Variants in LRRTM4 observed in about 807,000 individuals in gnomAD.
The protein encoded by LRRTM4 is leucine-rich repeat transmembrane neuronal protein 4.
A neutral mutation model predicts 47.6 loss-of-function variants in LRRTM4; 25 were observed. That is an observed-to-expected ratio of 0.53 (90% CI 0.38 to 0.73). LRRTM4 has a LOEUF of 0.73. LRRTM4 is among the 30% of genes least tolerant of loss of function. The pLI is 0.00. For missense variants in LRRTM4, 638 were observed against 713.4 expected (o/e 0.89, Z 1.20); for synonymous variants, 311 against 269.5 (o/e 1.15, Z -1.51).
chr2:76,787,764 G>C (rs1209402855), intron 3 of LRRTM4, among the ~76,000 whole-genome samples: 3 of 152,108 alleles, frequency 2.0e-5, no homozygotes, highest in African/African-American at 7.2e-5. Context: ...AAACAATATA[G>C]ATATTCTGAC....
intron 3 of LRRTM4, among the ~76,000 whole-genome samples, chr2:77,424,211 T>C (rs558352928): frequency 1.8e-4 from 27 of 152,318 alleles, no homozygotes; most frequent in African/African-American, 6.3e-4. Context: ...GGAATTCTCC[T>C]GGGCATATAG....
chr2:77,362,154 A>AAGGAAGGAAGGAAGGAAGG, intron 3 of LRRTM4, among the ~76,000 whole-genome samples: 1 of 139,936 alleles, frequency 7.1e-6, no homozygotes, highest in African/African-American at 3.3e-5. Context: ...AGAAAGAAAG[A>AAGGAAGGAAGGAAGGAAGG]AAGAAAGAAA....
chr2:76,813,791 T>G (rs1670817665), intron 3 of LRRTM4, among the ~76,000 whole-genome samples: 1 of 152,294 alleles, frequency 6.6e-6, no homozygotes, highest in African/African-American at 2.4e-5. Flanking sequence ...CACACAAAGA[T>G]TGTGAAGATA....
intron 3 of LRRTM4, among the ~76,000 whole-genome samples, chr2:77,075,561 A>C (rs1002065252): frequency 4.6e-5 from 7 of 152,112 alleles, no homozygotes; most frequent in African/African-American, 1.4e-4. Flanking sequence ...TCTCTCATAC[A>C]CTCAAATTGT....
At chr2:76,752,047 A>G (rs1176960951) in intron 3 of LRRTM4, among the ~76,000 whole-genome samples, 2 of 152,200 alleles carry the variant, frequency 1.3e-5, no homozygotes, top group Non-Finnish European at 2.9e-5. Flanking sequence ...ATCAACATGA[A>G]CATTAAACAT....
intron 3 of LRRTM4, among the ~76,000 whole-genome samples, chr2:76,941,723 T>C (rs1398167919): frequency 2.0e-5 from 3 of 152,198 alleles, no homozygotes; most frequent in African/African-American, 7.2e-5. Context: ...TGATGGACAT[T>C]TGGGTTGGTT....
intron 3 of LRRTM4, among the ~76,000 whole-genome samples, chr2:77,052,005 ATTTAT>A (rs922015277): frequency 1.8e-4 from 21 of 118,000 alleles, no homozygotes; most frequent in African/African-American, 4.6e-4. Flanking sequence ...ACTTTTAAAA[ATTTAT>A]TTTATTTATA....
intron 3 of LRRTM4, chr2:77,517,748 C>A: frequency 1.0e-6 from 1 of 984,150 alleles, no homozygotes; most frequent in Non-Finnish European, 1.2e-6. Context: ...ACACAGTAGG[C>A]CTCTGACATT....
intron 3 of LRRTM4, among the ~76,000 whole-genome samples, chr2:77,501,224 A>G (rs1678559802): frequency 1.3e-5 from 2 of 150,816 alleles, no homozygotes; most frequent in Non-Finnish European, 1.5e-5. Context: ...ATTAAACATA[A>G]TTTAATCTTT....
chr2:77,418,135 G>A (rs1674720101), intron 3 of LRRTM4, among the ~76,000 whole-genome samples: 1 of 152,100 alleles, frequency 6.6e-6, no homozygotes, highest in African/African-American at 2.4e-5. Context: ...TGCTATTTCT[G>A]TGTCAAGGGT....
chr2:76,997,175 G>T (rs1677232701), intron 3 of LRRTM4, among the ~76,000 whole-genome samples: 1 of 152,098 alleles, frequency 6.6e-6, no homozygotes, highest in Non-Finnish European at 1.5e-5. Context: ...ATCAATTTAT[G>T]AAGCTCAATC....
intron 3 of LRRTM4, chr2:77,517,487 A>G (rs1301801983): frequency 1.0e-6 from 1 of 985,108 alleles, no homozygotes; most frequent in Non-Finnish European, 1.2e-6. Context: ...TAAATCATCC[A>G]CAAAATTGTG....
chr2:77,163,829 C>A (rs941052897), intron 3 of LRRTM4, among the ~76,000 whole-genome samples: 3 of 152,108 alleles, frequency 2.0e-5, no homozygotes, highest in South Asian at 2.1e-4. Flanking sequence ...TGGAAAGGAA[C>A]AATCAGTACC....
At chr2:76,787,259 T>C (rs1326656949) in intron 3 of LRRTM4, among the ~76,000 whole-genome samples, 1 of 152,150 alleles carries the variant, frequency 6.6e-6, no homozygotes, top group Non-Finnish European at 1.5e-5. Context: ...AGAAATAATT[T>C]AGAATGCACA....
intron 3 of LRRTM4, among the ~76,000 whole-genome samples, chr2:77,250,274 A>C (rs1400477761): frequency 6.6e-6 from 1 of 152,200 alleles, no homozygotes; most frequent in African/African-American, 2.4e-5. Flanking sequence ...AGTGGACCCT[A>C]ATGTAAATTA....
chr2:76,898,444 T>C (rs781432424), intron 3 of LRRTM4, among the ~76,000 whole-genome samples: 4 of 150,996 alleles, frequency 2.6e-5, no homozygotes, highest in Non-Finnish European at 5.9e-5. Flanking sequence ...GTTAGTATAG[T>C]TGGAAGGCTG....
chr2:77,365,111 G>T (rs1266552871), intron 3 of LRRTM4, among the ~76,000 whole-genome samples: 1 of 151,970 alleles, frequency 6.6e-6, no homozygotes, highest in Non-Finnish European at 1.5e-5. Context: ...AATAATAAAA[G>T]AGTAACATCT....
chr2:77,300,590 A>G (rs1420442348), intron 3 of LRRTM4, among the ~76,000 whole-genome samples: 7 of 152,220 alleles, frequency 4.6e-5, no homozygotes. Flanking sequence ...CCTAGCACAT[A>G]GGACACCCTC....
At chr2:77,230,250 C>T (rs370219438) in intron 3 of LRRTM4, among the ~76,000 whole-genome samples, 5 of 152,228 alleles carry the variant, frequency 3.3e-5, no homozygotes, top group African/African-American at 1.2e-4. Flanking sequence ...TTATTCAATG[C>T]TAGTAAATTG....
Sources: allele counts gnomAD v4.1 joint callset (sites outside exome capture counted in the v4.1 genomes callset), GRCh38; gene constraint gnomAD v4.1.1; transcripts MANE v1.5; gene names NCBI Gene and HGNC (gene_info 2026-07-23, HGNC 2026-07-21).